Variants in JPH3 observed in about 807,000 individuals in gnomAD.
JPH3 encodes the protein junctophilin-3.
A neutral mutation model predicts 59.6 loss-of-function variants in JPH3; 11 were observed. The ratio of observed to expected loss-of-function variants is 0.18; its 90% CI spans 0.12 to 0.31. The LOEUF is 0.31. Ranked by LOEUF, JPH3 falls within the 10% of genes least tolerant of loss-of-function variation. The probability of loss-of-function intolerance (pLI) is 1.00; values close to 1 mark genes in which losing one functional copy is unlikely to be tolerated. For synonymous variants in JPH3, 673 were observed against 483.6 expected (o/e 1.39, Z -5.14); for missense variants, 1,202 against 1,105.7 (o/e 1.09, Z -1.24).
At chr16:87,659,336 C>A (rs151235556) in intron 2 of JPH3, among the ~76,000 whole-genome samples, 3,770 of 143,444 alleles carry the variant, frequency 0.026, 90 homozygotes, top group Admixed American at 0.088. Flanking sequence ...AAGATCAAGC[C>A]ACTGCACTCC....
intron 1 of JPH3, among the ~76,000 whole-genome samples, chr16:87,623,582 A>C (rs1162297701): frequency 1.3e-5 from 2 of 152,216 alleles, no homozygotes; most frequent in African/African-American, 4.8e-5. Context: ...ATTCCCCAAC[A>C]AAACAACCTC....
chr16:87,680,133 C>T (rs1028162349), intron 2 of JPH3, among the ~76,000 whole-genome samples: 3 of 152,266 alleles, frequency 2.0e-5, no homozygotes, highest in Admixed American at 6.5e-5. Context: ...GAGGAGGAGA[C>T]GCTTGCCCTG....
intron 1 of JPH3, among the ~76,000 whole-genome samples, chr16:87,610,643 A>G (rs1474910542): frequency 2.0e-5 from 3 of 152,230 alleles, no homozygotes; most frequent in Non-Finnish European, 2.9e-5. Flanking sequence ...CCTCATGTCC[A>G]CAGGTCAGTC....
chr16:87,634,657 C>T (rs953574357), intron 1 of JPH3, among the ~76,000 whole-genome samples: 4 of 152,220 alleles, frequency 2.6e-5, no homozygotes, highest in African/African-American at 9.6e-5. Context: ...GGGAGGGGGG[C>T]TCTGGCCCGT....
intron 2 of JPH3, among the ~76,000 whole-genome samples, chr16:87,665,384 C>T (rs528735266): frequency 3.9e-5 from 6 of 152,346 alleles, no homozygotes; most frequent in East Asian, 1.9e-4. Context: ...CCGACAGCAC[C>T]GGCCCAGCCC....
chr16:87,658,352 CCTT>C lies in JPH3; in HGVS notation c.1160+13320_1160+13322del, dbSNP rs2032578033. Among the ~76,000 whole-genome samples, 10 of 152,024 alleles carry C rather than the reference CCTT, an allele frequency of 6.6e-5. No individual in the cohort carries two copies. In the South Asian group the frequency reaches 1.9e-3, roughly 28 times the overall value. Reference sequence around the variant, plus strand: ...ATTTTCTCTGTTTCCCTCTCTCTCTCCTTCTCCCCGCTTCTCCCCCTCTCTTTT... The same window carrying C: ...ATTTTCTCTGTTTCCCTCTCTCTCTCCTCCCCGCTTCTCCCCCTCTCTTTT... On this transcript the variant is annotated intron_variant, in intron 2 of 4. Transcript: ENST00000284262.
At chr16:87,637,658 G>A (rs778964836) in intron 1 of JPH3, among the ~76,000 whole-genome samples, 15 of 152,060 alleles carry the variant, frequency 9.9e-5, no homozygotes, top group Admixed American at 3.3e-4. Context: ...GGACTTTCTC[G>A]GGGACAACCC....
chr16:87,636,023 G>A (rs973296639), intron 1 of JPH3, among the ~76,000 whole-genome samples: 47 of 152,252 alleles, frequency 3.1e-4, no homozygotes, highest in Admixed American at 6.5e-5. Flanking sequence ...CGTGCTGACC[G>A]AGCCAGACCC....
In JPH3 at chr16:87,615,195, T is replaced by C. The variant is rs370783692; in HGVS notation, c.382+11667T>C. 7.6e-4 allele frequency among the ~76,000 whole-genome samples: 115 copies of C among 152,296 alleles called. 1 individual carries two copies. The South Asian group carries it at 0.023, about 30-fold the overall frequency. On this transcript the variant is annotated intron_variant, in intron 1 of 4. Transcript: ENST00000284262. ...AGATCCCCAGATAAGAACCTGTCCA[T>C]CCTCCCCGGGGCCTAAGCGTGCCCA...
chr16:87,630,442 C>G (rs527752807), intron 1 of JPH3, among the ~76,000 whole-genome samples: 1 of 152,220 alleles, frequency 6.6e-6, no homozygotes, highest in Non-Finnish European at 1.5e-5. Context: ...CATTCCCCAG[C>G]CAGTCCTCCC....
rs538101256 is a variant in JPH3, at chr16:87,630,011, C to A, written c.383-14247C>A. 2.6e-5 allele frequency among the ~76,000 whole-genome samples: 4 copies of A among 152,230 alleles called. No homozygotes were observed. In the South Asian group the frequency reaches 8.3e-4, roughly 32 times the overall value. ...TAAAAAGAAAAAGTTAAAAAAAGACCACATGAACCCATGTGGAGAGTGGAA... is the reference window on the plus strand; with the variant it reads ...TAAAAAGAAAAAGTTAAAAAAAGACAACATGAACCCATGTGGAGAGTGGAA... On this transcript the variant is annotated intron_variant, in intron 1 of 4. Transcript: ENST00000284262.
intron 2 of JPH3, among the ~76,000 whole-genome samples, chr16:87,679,793 A>G (rs9939380): frequency 0.36 from 54,215 of 152,148 alleles, 10,333 homozygotes; most frequent in African/African-American, 0.48. Context: ...CCAGTTCTCC[A>G]GGCACTGGCC....
chr16:87,649,142 G>T (rs539617868), intron 2 of JPH3, among the ~76,000 whole-genome samples: 1 of 152,164 alleles, frequency 6.6e-6, no homozygotes, highest in South Asian at 2.1e-4. Flanking sequence ...AGGGGCGGGA[G>T]CCAGTGGCCC....
intron 1 of JPH3, among the ~76,000 whole-genome samples, chr16:87,613,563 C>T (rs149650102): frequency 2.5e-3 from 381 of 152,246 alleles, no homozygotes; most frequent in African/African-American, 8.0e-3. Flanking sequence ...TCAAGTGATC[C>T]GCCCACCTCA....
At chr16:87,634,121 C>T (rs2031654284) in intron 1 of JPH3, among the ~76,000 whole-genome samples, 1 of 152,136 alleles carries the variant, frequency 6.6e-6, no homozygotes, top group South Asian at 2.1e-4. Context: ...AGGCACGGGG[C>T]ATGGGGGCCA....
At chr16:87,646,528 A>G (rs1430724879) in intron 2 of JPH3, among the ~76,000 whole-genome samples, 2 of 152,240 alleles carry the variant, frequency 1.3e-5, no homozygotes, top group African/African-American at 2.4e-5. Context: ...TAAATGTAAT[A>G]CTTGTTCCAC....
At chr16:87,608,664 T>G (rs952503924) in intron 1 of JPH3, among the ~76,000 whole-genome samples, 1 of 152,184 alleles carries the variant, frequency 6.6e-6, no homozygotes, top group Non-Finnish European at 1.5e-5. Flanking sequence ...GCTCTAGGCA[T>G]CCTCTTCAAG....
chr16:87,613,764 T>C (rs2150823901), intron 1 of JPH3, among the ~76,000 whole-genome samples: 1 of 152,356 alleles, frequency 6.6e-6, no homozygotes, highest in African/African-American at 2.4e-5. Context: ...ACACTTTTTC[T>C]TTCTAAAACA....
intron 3 of JPH3, among the ~76,000 whole-genome samples, chr16:87,686,079 G>A (rs1263428316): frequency 6.6e-6 from 1 of 151,870 alleles, no homozygotes; most frequent in Non-Finnish European, 1.5e-5. Flanking sequence ...AGGGTGGCTG[G>A]AGCGGAGACC....
Sources: allele counts gnomAD v4.1 joint callset (sites outside exome capture counted in the v4.1 genomes callset), GRCh38; gene constraint gnomAD v4.1.1; transcripts MANE v1.5; gene names NCBI Gene and HGNC (gene_info 2026-07-23, HGNC 2026-07-21).